The following LCLAT1 variants were observed in gnomAD, a reference collection of about 807,000 sequenced individuals.
LCLAT1 encodes 1-AGP acyltransferase 8.
A neutral mutation model predicts 30.7 loss-of-function variants in LCLAT1; 11 were observed. That is an observed-to-expected ratio of 0.36 (90% CI 0.23 to 0.59). The LOEUF is 0.59. LCLAT1 is among the 20% of genes least tolerant of loss of function. The probability of loss-of-function intolerance (pLI) is 0.77; values close to 1 mark genes in which losing one functional copy is unlikely to be tolerated. For synonymous variants in LCLAT1, 155 were observed against 151.3 expected (o/e 1.02, Z -0.18); for missense variants, 402 against 458.6 (o/e 0.88, Z 1.13).
At chr2:30,536,611 G>T (rs1025816548) in intron 3 of LCLAT1, among the ~76,000 whole-genome samples, 7 of 152,152 alleles carry the variant, frequency 4.6e-5, no homozygotes, top group Non-Finnish European at 7.4e-5. Flanking sequence ...CACTAGACTG[G>T]CCCTAAGAGA....
chr2:30,525,086 G>A (rs986571899), intron 1 of LCLAT1, among the ~76,000 whole-genome samples: 1 of 151,856 alleles, frequency 6.6e-6, no homozygotes, highest in African/African-American at 2.4e-5. Flanking sequence ...TTGGAGGTCA[G>A]ATATTTGCTC....
At chr2:30,598,871 G>T (rs913536699) in intron 5 of LCLAT1, among the ~76,000 whole-genome samples, 2 of 151,926 alleles carry the variant, frequency 1.3e-5, no homozygotes, top group Non-Finnish European at 2.9e-5. Flanking sequence ...TGATTTCAAA[G>T]AACTTCTTGA....
In LCLAT1 at chr2:30,562,152, C is replaced by T. The variant is rs1211530488; in HGVS notation, c.371C>T (p.Ala124Val). The T allele has an allele frequency of 6.2e-7, 1 of 1,604,872 alleles. No homozygotes were observed. Among genetic ancestry groups the T allele is most frequent in the Admixed American group, 1.7e-5 (1 of 59,816 alleles). ...ATTGTTAAATTGATTCTAGGTTGGG[C>T]CATGCAGGCTGCTGCCTATATCTTC... ...SLKGVPGFGW[A>V]MQAAAYIFIH... Residue 124 changes from alanine (A) to valine (V), a missense_variant, in exon 4 of 6, where the codon GCC becomes GTC. Transcript: ENST00000379509.
chr2:30,617,230 GCTTT>G (rs1216199493), intron 5 of LCLAT1, among the ~76,000 whole-genome samples: 4 of 152,104 alleles, frequency 2.6e-5, no homozygotes, highest in Non-Finnish European at 4.4e-5. Flanking sequence ...CCACTGATGT[GCTTT>G]CTGTCACCAT....
At chr2:30,573,299 A>G (rs907647218) in intron 5 of LCLAT1, among the ~76,000 whole-genome samples, 2 of 152,136 alleles carry the variant, frequency 1.3e-5, no homozygotes, top group African/African-American at 4.8e-5. Context: ...TGTTCCCTGA[A>G]TTATCATACA....
intron 1 of LCLAT1, among the ~76,000 whole-genome samples, chr2:30,512,647 A>G (rs1392952799): frequency 1.3e-5 from 2 of 152,212 alleles, no homozygotes; most frequent in African/African-American, 2.4e-5. Flanking sequence ...AGATGTACAC[A>G]TTTTTAAAAA....
chr2:30,474,664 T>C (rs919313403), intron 1 of LCLAT1, among the ~76,000 whole-genome samples: 1 of 151,800 alleles, frequency 6.6e-6, no homozygotes, highest in Non-Finnish European at 1.5e-5. Context: ...TTTTTTTTTT[T>C]TCTAAATAGG....
At chr2:30,518,796 G>C (rs1417519839) in intron 1 of LCLAT1, among the ~76,000 whole-genome samples, 1 of 152,174 alleles carries the variant, frequency 6.6e-6, no homozygotes, top group Non-Finnish European at 1.5e-5. Context: ...GTTTGCCTTT[G>C]ATGATCCTTC....
intron 5 of LCLAT1, among the ~76,000 whole-genome samples, chr2:30,626,788 T>C (rs1253396884): frequency 6.6e-6 from 1 of 152,096 alleles, no homozygotes; most frequent in African/African-American, 2.4e-5. Context: ...TTCTTTCTAT[T>C]GCAGTCTTCA....
At chr2:30,564,802 C>T (rs185143090) in intron 4 of LCLAT1, among the ~76,000 whole-genome samples, 43 of 152,228 alleles carry the variant, frequency 2.8e-4, no homozygotes, top group Middle Eastern at 3.4e-3. Context: ...TAATTTAAGT[C>T]CTGAATCTAG....
chr2:30,535,711 A>G (rs1686210579), intron 3 of LCLAT1, among the ~76,000 whole-genome samples: 1 of 152,212 alleles, frequency 6.6e-6, no homozygotes, highest in African/African-American at 2.4e-5. Flanking sequence ...TGGCTGTTCC[A>G]TCATATGCAC....
intron 4 of LCLAT1, among the ~76,000 whole-genome samples, chr2:30,564,096 T>G (rs1665365868): frequency 6.6e-6 from 1 of 152,188 alleles, no homozygotes; most frequent in East Asian, 1.9e-4. Context: ...TATTGTAAGT[T>G]GTAAGTTGAT....
chr2:30,552,372 A>G (rs1305704741), intron 3 of LCLAT1: 1 of 307,130 alleles, frequency 3.3e-6, no homozygotes, highest in East Asian at 8.4e-5. Flanking sequence ...TGGTTTCTCC[A>G]TTTTTCTCCA....
At chr2:30,493,822 C>T (rs999744111) in intron 1 of LCLAT1, among the ~76,000 whole-genome samples, 9 of 152,080 alleles carry the variant, frequency 5.9e-5, no homozygotes, top group Non-Finnish European at 1.0e-4. Flanking sequence ...AGGTAGTGGT[C>T]ATGAAAGTTC....
At chr2:30,615,355 C>T (rs949487282) in intron 5 of LCLAT1, among the ~76,000 whole-genome samples, 1 of 151,788 alleles carries the variant, frequency 6.6e-6, no homozygotes, top group African/African-American at 2.4e-5. Context: ...TAGGGTGGTA[C>T]GAGTTGTGCA....
At chr2:30,518,669 T>C (rs1685314019) in intron 1 of LCLAT1, among the ~76,000 whole-genome samples, 1 of 152,206 alleles carries the variant, frequency 6.6e-6, no homozygotes, top group South Asian at 2.1e-4. Flanking sequence ...TATACCCAGC[T>C]GTACCTAACC....
At chr2:30,478,572 G>A (rs1005161917) in intron 1 of LCLAT1, among the ~76,000 whole-genome samples, 10 of 152,146 alleles carry the variant, frequency 6.6e-5, no homozygotes, top group African/African-American at 2.4e-4. Context: ...CTAGTACTTA[G>A]GAGGCTGAGA....
At chr2:30,625,588 A>G (rs1668468942) in intron 5 of LCLAT1, among the ~76,000 whole-genome samples, 1 of 152,236 alleles carries the variant, frequency 6.6e-6, no homozygotes, top group African/African-American at 2.4e-5. Flanking sequence ...AAACTCTGTT[A>G]TATGCAAAAT....
In LCLAT1 at chr2:30,588,591, T is replaced by G. The variant is rs115664273; in HGVS notation, c.628+20415T>G. On this transcript the variant is annotated intron_variant, in intron 5 of 5. Transcript: ENST00000379509. Reference sequence around the variant, plus strand: ...TTATTTTTGTTGTTGTTGTTTTGTTTTTTTGTTTTTTTGAGACAGAATTTC... The same window carrying G: ...TTATTTTTGTTGTTGTTGTTTTGTTGTTTTGTTTTTTTGAGACAGAATTTC... 6.9e-3 allele frequency among the ~76,000 whole-genome samples: 1,055 copies of G among 152,136 alleles called. 11 individuals carry two copies. Among genetic ancestry groups the G allele is most frequent in the African/African-American group, 0.024 (1,001 of 41,454 alleles).
Sources: allele counts gnomAD v4.1 joint callset (sites outside exome capture counted in the v4.1 genomes callset), GRCh38; gene constraint gnomAD v4.1.1; transcripts MANE v1.5; gene names NCBI Gene and HGNC (gene_info 2026-07-23, HGNC 2026-07-21).